RFTN1: variants seen among roughly 807,000 people sequenced by gnomAD.
RFTN1 encodes the protein raftlin, lipid raft linker 1.
RFTN1 carries 26 observed loss-of-function variants against 46.5 expected under a neutral mutation model. That is an observed-to-expected ratio of 0.56 (90% CI 0.41 to 0.78). RFTN1 has a LOEUF of 0.78. Among genes scored for constraint, RFTN1 ranks in the 30% least tolerant of loss-of-function variants. The pLI, the probability that RFTN1 is intolerant of heterozygous loss-of-function variation, is 0.00. For synonymous variants in RFTN1, 261 were observed against 284.2 expected, an observed-to-expected ratio of 0.92 and a Z score of 0.82; for missense variants, 693 against 718.7, an observed-to-expected ratio of 0.96 and a Z score of 0.41.
At position 16,345,813 on chromosome 3, in the gene RFTN1, TGTGTGCGCGCGCGC is replaced by T. The variant is rs773927362; in HGVS notation, c.1146+12105_1146+12118del. Among the ~76,000 whole-genome samples the T allele has an allele frequency of 7.1e-5, 6 of 84,736 alleles. No homozygotes were observed. Among genetic ancestry groups the T allele is most frequent in the South Asian group, 3.7e-4 (1 of 2,704 alleles). The allele number at this position is 84,736 out of a possible 152,430, so 55.6% of individuals were successfully genotyped here. ...CTGTGTGTGTGTGTGTGTGTGTGTGTGTGTGCGCGCGCGCGTGCGCGCACGCGCACATGTGCATG... is the reference window on the plus strand; with the variant it reads ...CTGTGTGTGTGTGTGTGTGTGTGTGTGTGCGCGCACGCGCACATGTGCATG... On this transcript the variant is annotated intron_variant, in intron 7 of 9. Coordinates refer to ENST00000334133, the MANE Select transcript of RFTN1 (RefSeq NM_015150.2). The surrounding 1 kb of genome is among the most constrained non-coding windows in gnomAD (Gnocchi z 5.2).
Position 16,407,930 on chromosome 3 carries a change from G to A in RFTN1, c.441+1445C>T, listed in dbSNP as rs2074897444. The stretch of plus-strand genomic sequence containing the variant: ...ATGGGCCATAGACCCATACATGAGC[G>A]GCTACTCCCAGAGTCCCTGGAGCCT... On this transcript the variant is annotated intron_variant, in intron 4 of 9. Transcript: ENST00000334133. The surrounding 1 kb of genome is among the most constrained non-coding windows in gnomAD (Gnocchi z 4.0). Among the ~76,000 whole-genome samples, 3 of 152,052 alleles carry A rather than the reference G, an allele frequency of 2.0e-5. No homozygotes were observed. The highest frequency in any genetic ancestry group is 7.2e-5 in the African/African-American group (3 of 41,386).
At chr3:16,340,049 G>A (rs562898666) in intron 7 of RFTN1, among the ~76,000 whole-genome samples, 1 of 152,304 alleles carries the variant, frequency 6.6e-6, no homozygotes, top group East Asian at 1.9e-4. Flanking sequence ...GTATATTCAC[G>A]TATGAAAATT....
intron 7 of RFTN1, among the ~76,000 whole-genome samples, chr3:16,328,265 CTA>C (rs940536597): frequency 6.6e-5 from 10 of 152,220 alleles, no homozygotes; most frequent in African/African-American, 2.4e-4. Flanking sequence ...AAAGCTGGGC[CTA>C]GAGTGCCAAG....
intron 6 of RFTN1, among the ~76,000 whole-genome samples, chr3:16,363,406 G>A (rs1306458125): frequency 1.3e-5 from 2 of 152,188 alleles, no homozygotes; most frequent in African/African-American, 4.8e-5. Context: ...TGCACAAAAA[G>A]CTATTTTCCC....
chr3:16,500,811 AG>A lies in RFTN1; in HGVS notation c.-8-6935del, dbSNP rs1328262916. ...CCATTCATTCAACACACATTTATTG[AG>A]GTCTGCTTTGAGTCAGGCACTTGGT... On this transcript the variant is annotated intron_variant, in intron 1 of 9. Coordinates refer to ENST00000334133, the MANE Select transcript of RFTN1 (RefSeq NM_015150.2). The surrounding 1 kb of genome is among the most constrained non-coding windows in gnomAD (Gnocchi z 5.9). Among the ~76,000 whole-genome samples, 1 of 152,172 alleles carries A rather than the reference AG, an allele frequency of 6.6e-6. No individual in the cohort carries two copies. The highest frequency in any genetic ancestry group is 1.9e-4 in the East Asian group (1 of 5,204).
chr3:16,419,265 G>A (rs2075142311), intron 3 of RFTN1, among the ~76,000 whole-genome samples: 1 of 152,116 alleles, frequency 6.6e-6, no homozygotes, highest in African/African-American at 2.4e-5. Flanking sequence ...CAGTGACCGG[G>A]GCAGAATAGT....
At position 16,335,369 on chromosome 3, in the gene RFTN1, A is replaced by G. The variant is rs1360544723; in HGVS notation, c.1147-8493T>C. 6.6e-6 allele frequency among the ~76,000 whole-genome samples: 1 copy of G among 152,226 alleles called. No individual in the cohort carries two copies. The highest frequency in any genetic ancestry group is 2.4e-5 in the African/African-American group (1 of 41,452). On this transcript the variant is annotated intron_variant, in intron 7 of 9. Coordinates refer to ENST00000334133, the MANE Select transcript of RFTN1 (RefSeq NM_015150.2). This position sits in a 1 kb window ranked among gnomAD's most constrained non-coding sequence, Gnocchi z 4.7. ...AGCCCTTGGACAATCCTGCATGGGA[A>G]ACAGGCTTAAGAAGGGAGTTTGTAC...
intron 7 of RFTN1, among the ~76,000 whole-genome samples, chr3:16,355,430 G>A (rs1017275742): frequency 6.6e-6 from 1 of 152,248 alleles, no homozygotes; most frequent in African/African-American, 2.4e-5. Context: ...GTCTGGCAAA[G>A]GCCCATTCCT....
chr3:16,472,488 A>G (rs565167751), intron 2 of RFTN1: 1 of 152,444 alleles, frequency 6.6e-6, no homozygotes, highest in Admixed American at 6.5e-5. Flanking sequence ...ATAAGACCCC[A>G]AACAACCAAG....
chr3:16,386,775 G>A (rs1402895813), intron 4 of RFTN1, among the ~76,000 whole-genome samples: 3 of 150,972 alleles, frequency 2.0e-5, no homozygotes, highest in African/African-American at 7.3e-5. Context: ...GTAACAGAGC[G>A]AGGAGACAGG....
At chr3:16,404,233 TAATA>T (rs1450096946) in intron 4 of RFTN1, among the ~76,000 whole-genome samples, 1 of 22,346 alleles carries the variant, frequency 4.5e-5, no homozygotes, top group African/African-American at 2.1e-4. Context: ...ATTTTATATA[TAATA>T]TATATTTTAT....
rs988292050 is a variant in RFTN1, at chr3:16,353,018, A to T, written c.1146+4914T>A. Among the ~76,000 whole-genome samples the T allele has an allele frequency of 6.6e-6, 1 of 152,176 alleles. No homozygotes were observed. Among genetic ancestry groups the T allele is most frequent in the Non-Finnish European group, 1.5e-5 (1 of 68,028 alleles). ...GGTGGAATTGGAATGGCACATCTAC[A>T]CAGAGCTGAGGGATCAGCACAGGAG... On this transcript the variant is annotated intron_variant, in intron 7 of 9. Coordinates refer to ENST00000334133, the MANE Select transcript of RFTN1 (RefSeq NM_015150.2). The surrounding 1 kb of genome is among the most constrained non-coding windows in gnomAD (Gnocchi z 5.4).
rs1300360107 is a variant in RFTN1, at chr3:16,466,343, T to C, written c.145+27382A>G. 1.3e-5 allele frequency among the ~76,000 whole-genome samples: 2 copies of C among 152,264 alleles called. No homozygotes were observed. The highest frequency in any genetic ancestry group is 2.9e-5 in the Non-Finnish European group (2 of 68,046). ...CAGTGTTTTACTTTACTTTTAAAGA[T>C]GTAATATCTATGAAATCTCTGTTGT... On this transcript the variant is annotated intron_variant, in intron 2 of 9. Transcript: ENST00000334133. This position sits in a 1 kb window ranked among gnomAD's most constrained non-coding sequence, Gnocchi z 5.6.
At chr3:16,378,161 C>T (rs1334190807) in intron 4 of RFTN1, 59 bp from the exon 5 acceptor site, 22 of 1,458,598 alleles carry the variant, frequency 1.5e-5, no homozygotes, top group African/African-American at 5.6e-5. Context: ...CAAAGGGACA[C>T]GTGCAGCGTG....
At chr3:16,319,944 G>A (rs1411937562) in intron 9 of RFTN1, among the ~76,000 whole-genome samples, 2 of 151,944 alleles carry the variant, frequency 1.3e-5, no homozygotes, top group African/African-American at 2.4e-5. Context: ...CCAGCAAGCC[G>A]CAGATAAAAC....
rs1314955043 is a variant in RFTN1 at position 16,370,264 on chromosome 3, G to T, written c.842C>A (p.Thr281Asn). Residue 281 changes from threonine (T) to asparagine (N), a missense_variant, in exon 6 of 10, where the codon ACC becomes AAC. By Grantham distance (65) the Thr-to-Asn change is moderately conservative. Coordinates refer to ENST00000334133, the MANE Select transcript of RFTN1 (RefSeq NM_015150.2). The surrounding 1 kb of genome is among the most constrained non-coding windows in gnomAD (Gnocchi z 5.5). The part of the protein sequence containing the change: ...EPLSGKMEIF[T>N]LFNKPKSHQK... Reference sequence around the variant, plus strand: ...ATGGCTCTTCGGTTTGTTGAAAAGGGTGAAGATCTCCATTTCTGTTGGGAT... The same window carrying T: ...ATGGCTCTTCGGTTTGTTGAAAAGGTTGAAGATCTCCATTTCTGTTGGGAT... 2 of 1,614,072 alleles carry T rather than the reference G, an allele frequency of 1.2e-6. No individual in the cohort carries two copies. The highest frequency in any genetic ancestry group is 1.7e-5 in the Admixed American group (1 of 60,006).
At chr3:16,398,621 C>A (rs1270553124) in intron 4 of RFTN1, among the ~76,000 whole-genome samples, 1 of 152,206 alleles carries the variant, frequency 6.6e-6, no homozygotes, top group Non-Finnish European at 1.5e-5. Context: ...CCGGGAGAAG[C>A]AGCTGCTCAC....
Position 16,468,978 on chromosome 3 carries a change from T to G in RFTN1, c.145+24747A>C, listed in dbSNP as rs116351889. 6.6e-6 allele frequency among the ~76,000 whole-genome samples: 1 copy of G among 152,242 alleles called. No homozygotes were observed. Reference sequence around the variant, plus strand: ...CATCACTCAGCCTGCCTGAATCGCATCTGACACTGGCCACTAAGGTGGAGT... The same window carrying G: ...CATCACTCAGCCTGCCTGAATCGCAGCTGACACTGGCCACTAAGGTGGAGT... On this transcript the variant is annotated intron_variant, in intron 2 of 9. Transcript: ENST00000334133. The surrounding 1 kb of genome is among the most constrained non-coding windows in gnomAD (Gnocchi z 4.4).
rs3054535 is a variant in RFTN1, at chr3:16,380,665, CAG to C, written c.442-2565_442-2564del. On this transcript the variant is annotated intron_variant, in intron 4 of 9. Coordinates refer to ENST00000334133, the MANE Select transcript of RFTN1 (RefSeq NM_015150.2). The surrounding 1 kb of genome is among the most constrained non-coding windows in gnomAD (Gnocchi z 4.8). ...AGGCCCCACCACAGACCTACTGAGT[CAG>C]AAACTCTGAGGGTGAGATCCAGCAA... Among the ~76,000 whole-genome samples, 2,022 of 152,306 alleles carry C rather than the reference CAG, an allele frequency of 0.013. 20 individuals carry two copies. Among genetic ancestry groups the C allele is most frequent in the Admixed American group, 0.042 (645 of 15,300 alleles).
Sources: allele counts gnomAD v4.1 joint callset (sites outside exome capture counted in the v4.1 genomes callset), GRCh38; gene constraint gnomAD v4.1.1; non-coding constraint Gnocchi (gnomAD v3.1); transcripts MANE v1.5; gene names NCBI Gene and HGNC (gene_info 2026-07-23, HGNC 2026-07-21).